Variants in SHISA6 observed in about 807,000 individuals in gnomAD.
SHISA6 encodes the protein shisa family member 6.
SHISA6 carries 22 observed loss-of-function variants against 47.9 expected under a neutral mutation model. The ratio of observed to expected loss-of-function variants is 0.46; its 90% confidence interval spans 0.33 to 0.66. The LOEUF (loss-of-function observed/expected upper bound fraction) is 0.66. Among genes scored for constraint, SHISA6 ranks in the 30% least tolerant of loss-of-function variants. The pLI is 0.02. For missense variants in SHISA6, 680 were observed against 764.6 expected, an observed-to-expected ratio of 0.89 and a Z score of 1.30; for synonymous variants, 388 against 337.8, an observed-to-expected ratio of 1.15 and a Z score of -1.63.
intron 1 of SHISA6, among the ~76,000 whole-genome samples, chr17:11,251,019 T>A (rs1407246394): frequency 6.6e-6 from 1 of 151,994 alleles, no homozygotes; most frequent in East Asian, 1.9e-4. Flanking sequence ...GGGGCCCATG[T>A]TGTAGATGAG....
chr17:11,534,070 G>A lies in SHISA6; in HGVS notation c.896-17826G>A, dbSNP rs576482292. On this transcript the variant is annotated intron_variant, in intron 3 of 5. Coordinates refer to ENST00000441885, the MANE Select transcript of SHISA6 (RefSeq NM_207386.4). Reference sequence around the variant, plus strand: ...TCAGCTCACCACAACCTCCTCTCCCGGGTTCAAGCGATTCTCCTCCTGCTT... The same window carrying A: ...TCAGCTCACCACAACCTCCTCTCCCAGGTTCAAGCGATTCTCCTCCTGCTT... Among the ~76,000 whole-genome samples, 14 of 150,532 alleles carry A rather than the reference G, an allele frequency of 9.3e-5. 1 individual carries two copies. In the East Asian group the frequency reaches 2.0e-3, roughly 21 times the overall value.
intron 2 of SHISA6, among the ~76,000 whole-genome samples, chr17:11,372,127 C>T (rs1184590886): frequency 2.6e-5 from 4 of 152,170 alleles, no homozygotes; most frequent in African/African-American, 9.7e-5. Flanking sequence ...GCACATACAG[C>T]TCTGCCTCCT....
intron 3 of SHISA6, among the ~76,000 whole-genome samples, chr17:11,419,726 C>T (rs909441849): frequency 6.6e-6 from 1 of 152,118 alleles, no homozygotes; most frequent in African/African-American, 2.4e-5. Context: ...GGAGGGGGTA[C>T]AGAATAATAG....
At chr17:11,499,698 T>TTGTTGTTG (rs1555540216) in intron 3 of SHISA6, among the ~76,000 whole-genome samples, 215 of 146,592 alleles carry the variant, frequency 1.5e-3, no homozygotes, top group African/African-American at 5.4e-3. Context: ...TTTTTTTTTT[T>TTGTTGTTG]TTGTTGTTGT....
intron 2 of SHISA6, chr17:11,289,344 A>G (rs1046310263): frequency 2.0e-5 from 3 of 151,976 alleles, no homozygotes; most frequent in Non-Finnish European, 2.9e-5. Context: ...GAGTATGTGC[A>G]TCTATTTTCA....
At chr17:11,264,118 C>T (rs140732615) in intron 2 of SHISA6, among the ~76,000 whole-genome samples, 4 of 152,174 alleles carry the variant, frequency 2.6e-5, no homozygotes, top group Middle Eastern at 3.4e-3. Context: ...CCTTGTCTTA[C>T]GGGTCAATAT....
intron 3 of SHISA6, among the ~76,000 whole-genome samples, chr17:11,428,566 G>A (rs1318428468): frequency 6.6e-6 from 1 of 152,234 alleles, no homozygotes; most frequent in Non-Finnish European, 1.5e-5. Flanking sequence ...ATTCAGTAGT[G>A]TTTGTATTAG....
At chr17:11,397,865 G>C (rs1006688172) in intron 3 of SHISA6, among the ~76,000 whole-genome samples, 2 of 152,020 alleles carry the variant, frequency 1.3e-5, no homozygotes, top group South Asian at 4.1e-4. Flanking sequence ...ACGTACCTTA[G>C]TGTCATATCC....
chr17:11,342,416 G>A (rs986074695), intron 2 of SHISA6, among the ~76,000 whole-genome samples: 1 of 151,968 alleles, frequency 6.6e-6, no homozygotes, highest in African/African-American at 2.4e-5. Flanking sequence ...AAGCTGGGAC[G>A]GTGGAGATAT....
At chr17:11,298,241 T>C (rs1407460644) in intron 2 of SHISA6, among the ~76,000 whole-genome samples, 1 of 152,212 alleles carries the variant, frequency 6.6e-6, no homozygotes, top group Non-Finnish European at 1.5e-5. Flanking sequence ...ACTTTACTTC[T>C]GTGCCTACTG....
intron 3 of SHISA6, among the ~76,000 whole-genome samples, chr17:11,519,796 A>G (rs2071614257): frequency 6.6e-6 from 1 of 152,110 alleles, no homozygotes; most frequent in Non-Finnish European, 1.5e-5. Flanking sequence ...GGTCACCTTG[A>G]CACACATGTA....
At chr17:11,257,628 T>C (rs1908066488) in intron 1 of SHISA6, among the ~76,000 whole-genome samples, 1 of 146,600 alleles carries the variant, frequency 6.8e-6, no homozygotes, top group Non-Finnish European at 1.5e-5. Flanking sequence ...ACCACTGCAC[T>C]GCAGCCTGGG....
chr17:11,485,115 A>G (rs2142333531), intron 3 of SHISA6, among the ~76,000 whole-genome samples: 1 of 152,326 alleles, frequency 6.6e-6, no homozygotes, highest in South Asian at 2.1e-4. Context: ...AAGTACAATC[A>G]TTGGAAAACA....
In SHISA6 at chr17:11,560,795, A is replaced by G. The variant is rs1342041035; in HGVS notation, c.*2491A>G. On this transcript the variant is annotated 3_prime_UTR_variant, in exon 6 of 6. Transcript: ENST00000441885. ...CCAAGACATTTCTCATCCCAGCCTT[A>G]CCACTGTCTGGCTGAAAGGCTCTGA... is the stretch of plus-strand genomic sequence containing the variant. 1 of 151,996 alleles carries G rather than the reference A, an allele frequency of 6.6e-6. No homozygotes were observed. Among genetic ancestry groups the G allele is most frequent in the African/African-American group, 2.4e-5 (1 of 41,368 alleles). 9.4% of individuals were successfully genotyped at this position (151,996 alleles called of 1,614,324 possible). A position where few individuals can be genotyped will look rare whatever the true frequency, so the allele number is the denominator to read the frequency against.
chr17:11,398,339 T>C (rs1005382006), intron 3 of SHISA6, among the ~76,000 whole-genome samples: 1 of 152,164 alleles, frequency 6.6e-6, no homozygotes, highest in Non-Finnish European at 1.5e-5. Flanking sequence ...GATGAGGAAG[T>C]AGTTATGTGT....
At chr17:11,279,244 G>A (rs138466041) in intron 2 of SHISA6, among the ~76,000 whole-genome samples, 1 of 152,156 alleles carries the variant, frequency 6.6e-6, no homozygotes, top group African/African-American at 2.4e-5. Context: ...AGAGGGTGAG[G>A]CATGTAACCT....
chr17:11,464,939 T>TAAAA (rs10706598), intron 3 of SHISA6, among the ~76,000 whole-genome samples: 1 of 145,178 alleles, frequency 6.9e-6, no homozygotes. Flanking sequence ...CAAAACTGAT[T>TAAAA]AAAAAAAAAA....
intron 3 of SHISA6, among the ~76,000 whole-genome samples, chr17:11,395,826 T>G (rs1165597768): frequency 6.6e-6 from 1 of 152,196 alleles, no homozygotes; most frequent in Non-Finnish European, 1.5e-5. Context: ...CCAGTTTTAC[T>G]TCTTTACAGT....
At chr17:11,291,702 A>G (rs1276900035) in intron 2 of SHISA6, among the ~76,000 whole-genome samples, 1 of 152,048 alleles carries the variant, frequency 6.6e-6, no homozygotes, top group African/African-American at 2.4e-5. Flanking sequence ...GAAGGTTGAA[A>G]TCCAAGATCA....
Sources: allele counts gnomAD v4.1 joint callset (sites outside exome capture counted in the v4.1 genomes callset), GRCh38; gene constraint gnomAD v4.1.1; transcripts MANE v1.5; gene names NCBI Gene and HGNC (gene_info 2026-07-23, HGNC 2026-07-21).